The following ABI3BP variants were observed in gnomAD, a reference collection of about 807,000 sequenced individuals.
ABI3BP encodes ABI family member 3 binding protein, also known as target of Nesh-SH3.
A neutral mutation model predicts 268.6 loss-of-function variants in ABI3BP; 216 were observed. The observed-to-expected ratio is 0.80, with a 90% CI of 0.72 to 0.90. The LOEUF is 0.90. Among genes scored for constraint, ABI3BP ranks in the 40% least tolerant of loss-of-function variants. The pLI, the probability that ABI3BP is intolerant of heterozygous loss-of-function variation, is 0.00. For missense variants in ABI3BP, 2,090 were observed against 2,182.4 expected (o/e 0.96, Z 0.84); for synonymous variants, 730 against 730.0 (o/e 1.00, Z 0.00).
intron 1 of ABI3BP, among the ~76,000 whole-genome samples, chr3:100,941,276 A>T (rs911727083): frequency 6.6e-6 from 1 of 152,116 alleles, no homozygotes; most frequent in Non-Finnish European, 1.5e-5. Flanking sequence ...ACATGCTCCC[A>T]CACGCAACAT....
chr3:100,979,808 A>G (rs2088328787), intron 1 of ABI3BP, among the ~76,000 whole-genome samples: 1 of 152,246 alleles, frequency 6.6e-6, no homozygotes, highest in South Asian at 2.1e-4. Flanking sequence ...TTATGGGATT[A>G]TAGGACTCAA....
At position 100,864,796 on chromosome 3, in the gene ABI3BP, T is replaced by C. The variant is rs759721592; in HGVS notation, c.1063+37A>G. The C allele has an allele frequency of 3.4e-5, 51 of 1,479,764 alleles. 1 individual carries two copies. The highest frequency in any genetic ancestry group is 2.8e-5 in the Non-Finnish European group (31 of 1,087,852). The allele number at this position is 1,479,764 out of a possible 1,614,324, so 91.7% of individuals were successfully genotyped here. ...CCTGGGAGTTATTTCGTTGTTACTTTTGTTTTTTTAGAAAAAAAAAAAGTT... is the reference window on the plus strand; with the variant it reads ...CCTGGGAGTTATTTCGTTGTTACTTCTGTTTTTTTAGAAAAAAAAAAAGTT... On this transcript the variant is annotated intron_variant, in intron 11 of 67. Transcript: ENST00000471714.
At chr3:100,953,831 G>A (rs2075950570) in intron 1 of ABI3BP, among the ~76,000 whole-genome samples, 1 of 152,102 alleles carries the variant, frequency 6.6e-6, no homozygotes, top group South Asian at 2.1e-4. Context: ...GTAGCAAGAA[G>A]CTCATGTTGA....
chr3:100,982,542 C>T (rs2090052260), intron 1 of ABI3BP, among the ~76,000 whole-genome samples: 1 of 151,308 alleles, frequency 6.6e-6, no homozygotes, highest in Non-Finnish European at 1.5e-5. Context: ...ACTTTTGCAC[C>T]AACCTAATGA....
chr3:100,983,048 C>T (rs2090325391), intron 1 of ABI3BP, among the ~76,000 whole-genome samples: 1 of 152,280 alleles, frequency 6.6e-6, no homozygotes, highest in East Asian at 1.9e-4. Context: ...GCACAGTGGC[C>T]TCTCAGGAGG....
In ABI3BP at chr3:100,876,385, T is replaced by C. The variant is rs140567949; in HGVS notation, c.745+127A>G. Reference sequence around the variant, plus strand: ...TTCCAGTTTACTAGACCATTATATTTTCTTTGAACTTTTTCTCAAAAAAAA... The same window carrying C: ...TTCCAGTTTACTAGACCATTATATTCTCTTTGAACTTTTTCTCAAAAAAAA... On this transcript the variant is annotated intron_variant, in intron 7 of 67. Transcript: ENST00000471714. 11 of 866,396 alleles carry C rather than the reference T, an allele frequency of 1.3e-5. No homozygotes were observed. In the African/African-American group the frequency reaches 1.4e-4, roughly 11 times the overall value. The allele number at this position is 866,396 out of a possible 1,614,324, so 53.7% of individuals were successfully genotyped here.
intron 1 of ABI3BP, among the ~76,000 whole-genome samples, chr3:100,931,707 T>G: frequency 6.6e-6 from 1 of 151,722 alleles, no homozygotes; most frequent in Non-Finnish European, 1.5e-5. Flanking sequence ...AAATCAAAGA[T>G]GATACAAAAA....
At chr3:100,864,438 C>A (rs2099030039) in intron 11 of ABI3BP, 1 of 331,804 alleles carries the variant, frequency 3.0e-6, no homozygotes, top group Admixed American at 4.4e-5. Flanking sequence ...GGGATTCTTC[C>A]CAAATTTAGT....
At chr3:100,982,545 C>A (rs1021937416) in intron 1 of ABI3BP, among the ~76,000 whole-genome samples, 2 of 151,690 alleles carry the variant, frequency 1.3e-5, no homozygotes, top group African/African-American at 4.8e-5. Flanking sequence ...TTTGCACCAA[C>A]CTAATGACTT....
chr3:100,901,888 A>T lies in ABI3BP; in HGVS notation c.328+730T>A, dbSNP rs1171775743. ...CTTCCTTATAGCAATGGTCAGCTATATTATTTGATCTGAGAAGAAGTTTTG... is the reference window on the plus strand; with the variant it reads ...CTTCCTTATAGCAATGGTCAGCTATTTTATTTGATCTGAGAAGAAGTTTTG... On this transcript the variant is annotated intron_variant, in intron 3 of 67. Coordinates refer to ENST00000471714, the MANE Select transcript of ABI3BP (RefSeq NM_001375547.2). 2.0e-5 allele frequency among the ~76,000 whole-genome samples: 3 copies of T among 152,340 alleles called. No individual in the cohort carries two copies. In the South Asian group the frequency reaches 6.2e-4, roughly 32 times the overall value.
chr3:100,817,181 A>C (rs1249512619), intron 42 of ABI3BP, among the ~76,000 whole-genome samples: 4 of 152,324 alleles, frequency 2.6e-5, no homozygotes, highest in Non-Finnish European at 4.4e-5. Context: ...TTTAGACAAA[A>C]GTACATGACA....
At chr3:100,823,596 G>C (rs775486986) in intron 36 of ABI3BP, 82 bp from the exon 37 acceptor site, 51 of 1,026,598 alleles carry the variant, frequency 5.0e-5, no homozygotes, top group Admixed American at 3.1e-4. Flanking sequence ...AATTTTACTG[G>C]TATGTCAATT....
At chr3:100,793,244 C>T (rs2097251569) in intron 54 of ABI3BP, among the ~76,000 whole-genome samples, 1 of 151,914 alleles carries the variant, frequency 6.6e-6, no homozygotes, top group Non-Finnish European at 1.5e-5. Flanking sequence ...GTATGTTTGA[C>T]ATACAAACAC....
intron 57 of ABI3BP, among the ~76,000 whole-genome samples, chr3:100,785,890 A>G (rs2097025380): frequency 1.3e-5 from 2 of 152,164 alleles, no homozygotes; most frequent in Non-Finnish European, 2.9e-5. Context: ...TGTGCATATA[A>G]TTGGATAATC....
intron 1 of ABI3BP, among the ~76,000 whole-genome samples, chr3:100,990,675 T>G (rs551725457): frequency 6.6e-6 from 1 of 151,526 alleles, no homozygotes; most frequent in East Asian, 1.9e-4. Flanking sequence ...TAAAGAAATT[T>G]ACAAGAAACT....
chr3:100,900,208 T>C (rs1056907011), intron 3 of ABI3BP, among the ~76,000 whole-genome samples: 8 of 152,220 alleles, frequency 5.3e-5, no homozygotes, highest in African/African-American at 1.9e-4. Context: ...TTGTGCCTTA[T>C]ATGATGGTGA....
chr3:100,766,727 C>T (rs1370839698), intron 62 of ABI3BP, among the ~76,000 whole-genome samples: 3 of 152,152 alleles, frequency 2.0e-5, no homozygotes, highest in Non-Finnish European at 2.9e-5. Flanking sequence ...TCTCTGCTCT[C>T]ATTTGGGACT....
intron 3 of ABI3BP, among the ~76,000 whole-genome samples, chr3:100,901,537 G>A (rs999803510): frequency 8.5e-5 from 13 of 152,108 alleles, no homozygotes; most frequent in Non-Finnish European, 1.6e-4. Context: ...AGCGAGGTGG[G>A]GGTGGATCAT....
At chr3:100,945,379 A>G (rs2071635462) in intron 1 of ABI3BP, among the ~76,000 whole-genome samples, 1 of 152,122 alleles carries the variant, frequency 6.6e-6, no homozygotes, top group African/African-American at 2.4e-5. Flanking sequence ...CAGCTCAATG[A>G]TTTTATAGCT....
Sources: gnomAD v4.1 joint callset for allele counts (sites outside exome capture counted in the v4.1 genomes callset) on GRCh38, gnomAD v4.1.1 for gene constraint, MANE v1.5 for transcripts, NCBI Gene and HGNC (gene_info 2026-07-23, HGNC 2026-07-21) for gene names.